QKI: variants seen among roughly 807,000 people sequenced by gnomAD.
QKI encodes KH domain-containing RNA-binding protein QKI.
A neutral mutation model predicts 39.0 loss-of-function variants in QKI; 10 were observed. The ratio of observed to expected loss-of-function variants is 0.26; its 90% CI spans 0.16 to 0.43. The LOEUF is 0.43. QKI is among the 20% of genes least tolerant of loss of function. The pLI, the probability that QKI is intolerant of heterozygous loss-of-function variation, is 1.00. For synonymous variants in QKI, 204 were observed against 155.4 expected, an observed-to-expected ratio of 1.31 and a Z score of -2.33; for missense variants, 218 against 428.0, an observed-to-expected ratio of 0.51 and a Z score of 4.33.
chr6:163,532,109 A>G (rs1238212060), intron 3 of QKI, among the ~76,000 whole-genome samples: 6 of 152,222 alleles, frequency 3.9e-5, no homozygotes, highest in Non-Finnish European at 8.8e-5. Context: ...CTTTGTTTCT[A>G]TCATGAAAAT....
rs146112604 is a variant in QKI, at chr6:163,529,211, G to T, written c.403-5771G>T. On this transcript the variant is annotated intron_variant, in intron 3 of 7. Transcript: ENST00000361752. ...AGAAAGAAGCCGTCCCAGAAACCAA[G>T]ATACAGGAGCAAAGGTGAATATATG... 1.2e-4 allele frequency among the ~76,000 whole-genome samples: 19 copies of T among 152,244 alleles called. 1 individual carries two copies. Among genetic ancestry groups the T allele is most frequent in the African/African-American group, 4.1e-4 (17 of 41,540 alleles).
intron 2 of QKI, among the ~76,000 whole-genome samples, chr6:163,475,627 G>A (rs1792531563): frequency 1.3e-5 from 2 of 152,114 alleles, no homozygotes; most frequent in Non-Finnish European, 1.5e-5. Context: ...GAAAAGAGTA[G>A]TCTTTTCAAT....
chr6:163,530,750 C>A (rs962742608), intron 3 of QKI, among the ~76,000 whole-genome samples: 5 of 152,062 alleles, frequency 3.3e-5, no homozygotes, highest in African/African-American at 1.2e-4. Flanking sequence ...ACACTGCACC[C>A]CCTCCAAAAC....
chr6:163,471,783 C>A (rs567366491), intron 2 of QKI, among the ~76,000 whole-genome samples: 60 of 152,114 alleles, frequency 3.9e-4, no homozygotes, highest in African/African-American at 1.3e-3. Context: ...ATTTAGTAAA[C>A]CATGTAGTAT....
chr6:163,562,082 T>C lies in QKI; in HGVS notation c.634+13T>C, dbSNP rs1397602441. ...AACATTAAATCACGTAAGAATGAGC[T>C]CTGAGGCCCAGGGTTACTGCTGTCT... On this transcript the variant is annotated intron_variant, in intron 5 of 7. Transcript: ENST00000361752. The C allele has an allele frequency of 8.7e-6, 14 of 1,604,524 alleles. No homozygotes were observed. Among genetic ancestry groups the C allele is most frequent in the Non-Finnish European group, 1.1e-5 (13 of 1,174,808 alleles).
intron 3 of QKI, among the ~76,000 whole-genome samples, chr6:163,507,557 A>G (rs73246603): frequency 3.8e-4 from 58 of 152,250 alleles, no homozygotes; most frequent in African/African-American, 1.4e-3. Context: ...GAAAGATAAA[A>G]AGAAGGGAAA....
At chr6:163,510,404 T>TA (rs1242726874) in intron 3 of QKI, among the ~76,000 whole-genome samples, 1 of 150,366 alleles carries the variant, frequency 6.7e-6, no homozygotes, top group Non-Finnish European at 1.5e-5. Flanking sequence ...ACTTAAAAAA[T>TA]ACAAAAATTA....
At chr6:163,421,475 A>C (rs112348979) in intron 1 of QKI, among the ~76,000 whole-genome samples, 3 of 152,270 alleles carry the variant, frequency 2.0e-5, no homozygotes, top group African/African-American at 7.2e-5. Flanking sequence ...CCACATATAT[A>C]GTTCTTGTAC....
At chr6:163,478,399 A>C (rs1359745172) in intron 2 of QKI, among the ~76,000 whole-genome samples, 2 of 152,198 alleles carry the variant, frequency 1.3e-5, no homozygotes, top group Non-Finnish European at 2.9e-5. Flanking sequence ...CAATTTCTTC[A>C]ACACTGTCAT....
intron 2 of QKI, among the ~76,000 whole-genome samples, chr6:163,463,478 C>A (rs1020379471): frequency 1.6e-4 from 24 of 152,144 alleles, no homozygotes; most frequent in Non-Finnish European, 2.1e-4. Flanking sequence ...TAACGTAGTC[C>A]TTGCACTCGT....
At chr6:163,422,541 T>A (rs1056118594) in intron 1 of QKI, among the ~76,000 whole-genome samples, 2 of 152,264 alleles carry the variant, frequency 1.3e-5, no homozygotes, top group South Asian at 4.1e-4. Context: ...TGCAGTGTTA[T>A]GATCATGCTA....
At chr6:163,561,919 A>G (rs1239152806) in intron 4 of QKI, 63 bp from the exon 5 acceptor site, 2 of 1,252,738 alleles carry the variant, frequency 1.6e-6, no homozygotes, top group East Asian at 2.4e-5. Context: ...TTGTGTGTAG[A>G]TATAGCTATT....
At chr6:163,549,155 G>A (rs554463105) in intron 4 of QKI, among the ~76,000 whole-genome samples, 17 of 152,174 alleles carry the variant, frequency 1.1e-4, no homozygotes, top group Non-Finnish European at 1.8e-4. Context: ...AATGAGTGCC[G>A]AGCGAAGAAG....
At chr6:163,429,554 A>T (rs1419358889) in intron 1 of QKI, among the ~76,000 whole-genome samples, 1 of 152,214 alleles carries the variant, frequency 6.6e-6, no homozygotes. Flanking sequence ...GTGTGTAATG[A>T]TAGCATTAAG....
At chr6:163,555,074 T>A (rs1302754079) in intron 4 of QKI, among the ~76,000 whole-genome samples, 4 of 152,218 alleles carry the variant, frequency 2.6e-5, no homozygotes, top group African/African-American at 9.6e-5. Flanking sequence ...TCATTTTTTC[T>A]TTTCTCTGAT....
Position 163,415,303 on chromosome 6 carries a change from T to C in QKI, c.110T>C (p.Ile37Thr). 4 of 1,593,872 alleles carry C rather than the reference T, an allele frequency of 2.5e-6. No individual in the cohort carries two copies. Among genetic ancestry groups the C allele is most frequent in the Non-Finnish European group, 3.4e-6 (4 of 1,167,336 alleles). Residue 37 changes from isoleucine (I) to threonine (T), a missense_variant, in exon 1 of 8, where the codon ATC becomes ACC. Ile to Thr is a moderately conservative substitution (Grantham distance 89). Coordinates refer to ENST00000361752, the MANE Select transcript of QKI (RefSeq NM_006775.3). ...AGCAGCCTGCCCAACTTCTGCGGGATCTTCAACCACCTCGAGCGGCTGCTG... is the reference window on the plus strand; with the variant it reads ...AGCAGCCTGCCCAACTTCTGCGGGACCTTCAACCACCTCGAGCGGCTGCTG... ...LMSSLPNFCG[I>T]FNHLERLLDE...
At chr6:163,530,879 G>C (rs1282707690) in intron 3 of QKI, among the ~76,000 whole-genome samples, 2 of 152,114 alleles carry the variant, frequency 1.3e-5, no homozygotes, top group African/African-American at 2.4e-5. Flanking sequence ...TGGAACCTCA[G>C]ATCCCTCAGT....
chr6:163,564,725 G>A (rs1783248268), intron 6 of QKI: 4 of 1,614,034 alleles, frequency 2.5e-6, no homozygotes, highest in Non-Finnish European at 3.4e-6. Context: ...CTGGATGAAG[G>A]ACTAGAATAC....
intron 2 of QKI, among the ~76,000 whole-genome samples, chr6:163,459,075 A>G (rs1014698200): frequency 3.3e-5 from 5 of 152,154 alleles, no homozygotes; most frequent in East Asian, 1.9e-4. Flanking sequence ...CTGAGGGTCT[A>G]CTGGTTAGGG....
Sources: allele counts gnomAD v4.1 joint callset (sites outside exome capture counted in the v4.1 genomes callset), GRCh38; gene constraint gnomAD v4.1.1; transcripts MANE v1.5; gene names NCBI Gene and HGNC (gene_info 2026-07-23, HGNC 2026-07-21).